Variants in STAG1 observed in about 807,000 individuals in gnomAD.
STAG1 encodes STAG1 cohesin complex component, also known as cohesin subunit SA-1.
Under a neutral mutation model 170.9 loss-of-function variants are expected in STAG1, and 26 were observed. The ratio of observed to expected loss-of-function variants is 0.15; its 90% CI spans 0.11 to 0.21. The LOEUF is 0.21. STAG1 is among the 10% of genes least tolerant of loss of function. The pLI, the probability that STAG1 is intolerant of heterozygous loss-of-function variation, is 1.00. For synonymous variants in STAG1, 514 were observed against 497.7 expected, an observed-to-expected ratio of 1.03 and a Z score of -0.44; for missense variants, 964 against 1,509.5, an observed-to-expected ratio of 0.64 and a Z score of 5.99.
chr3:136,371,269 A>G (rs551122744), intron 23 of STAG1, among the ~76,000 whole-genome samples: 24 of 152,098 alleles, frequency 1.6e-4, no homozygotes, highest in African/African-American at 5.3e-4. Context: ...TTTGTCAGAT[A>G]AGTAGGTTGC....
At chr3:136,542,836 G>C (rs1307543876) in intron 5 of STAG1, among the ~76,000 whole-genome samples, 1 of 152,114 alleles carries the variant, frequency 6.6e-6, no homozygotes, top group Admixed American at 6.5e-5. Flanking sequence ...GCCTTATGAA[G>C]AATGTACTAT....
intron 4 of STAG1, among the ~76,000 whole-genome samples, chr3:136,585,724 G>A (rs1937783107): frequency 6.6e-6 from 1 of 152,080 alleles, no homozygotes; most frequent in Admixed American, 6.6e-5. Flanking sequence ...AAGAAATCCT[G>A]TACTGAGATC....
intron 1 of STAG1, among the ~76,000 whole-genome samples, chr3:136,714,954 T>TA (rs1943488047): frequency 1.5e-5 from 1 of 66,086 alleles, no homozygotes; most frequent in Non-Finnish European, 3.9e-5. Context: ...TATATATATA[T>TA]ATATATATAT....
intron 1 of STAG1, among the ~76,000 whole-genome samples, chr3:136,659,694 T>C (rs560197701): frequency 2.6e-5 from 4 of 152,320 alleles, no homozygotes; most frequent in Non-Finnish European, 5.9e-5. Flanking sequence ...ATGAAGTCTA[T>C]AATTAATGAC....
At chr3:136,424,151 T>C (rs2088041982) in intron 16 of STAG1, among the ~76,000 whole-genome samples, 1 of 152,052 alleles carries the variant, frequency 6.6e-6, no homozygotes, top group African/African-American at 2.4e-5. Context: ...TATAAAATAA[T>C]CACTTTTGAA....
intron 1 of STAG1, among the ~76,000 whole-genome samples, chr3:136,673,372 G>A (rs1039645956): frequency 8.5e-5 from 13 of 152,262 alleles, no homozygotes; most frequent in African/African-American, 2.9e-4. Context: ...AGTATGTACT[G>A]AGCCTAGGAT....
At chr3:136,674,099 T>A (rs1942055035) in intron 1 of STAG1, among the ~76,000 whole-genome samples, 1 of 118,582 alleles carries the variant, frequency 8.4e-6, no homozygotes, top group Non-Finnish European at 1.7e-5. Flanking sequence ...AGTGACTCTG[T>A]CTCAAAAAAA....
intron 13 of STAG1, among the ~76,000 whole-genome samples, chr3:136,458,696 T>C (rs889108196): frequency 6.6e-6 from 1 of 151,236 alleles, no homozygotes; most frequent in Non-Finnish European, 1.5e-5. Context: ...TGAAGGTAAA[T>C]GGATTAAATT....
intron 1 of STAG1, among the ~76,000 whole-genome samples, chr3:136,736,174 G>A (rs1046843820): frequency 4.6e-5 from 7 of 152,122 alleles, no homozygotes; most frequent in African/African-American, 1.4e-4. Context: ...AACTACCCAC[G>A]AAGTTTCTAA....
chr3:136,644,222 T>G (rs28682370), intron 1 of STAG1, among the ~76,000 whole-genome samples: 5 of 152,042 alleles, frequency 3.3e-5, no homozygotes, highest in Non-Finnish European at 5.9e-5. Flanking sequence ...TTCTAGGTGG[T>G]GAAAAACTTT....
At chr3:136,712,778 G>A (rs527599256) in intron 1 of STAG1, among the ~76,000 whole-genome samples, 1 of 152,160 alleles carries the variant, frequency 6.6e-6, no homozygotes, top group African/African-American at 2.4e-5. Flanking sequence ...AACAGAAATG[G>A]CTTCACATGT....
At chr3:136,435,163 T>C (rs2088419643) in intron 15 of STAG1, among the ~76,000 whole-genome samples, 1 of 152,212 alleles carries the variant, frequency 6.6e-6, no homozygotes, top group Non-Finnish European at 1.5e-5. Context: ...TATCTAGCCC[T>C]TTTTCTAAAA....
chr3:136,729,851 T>A (rs1420510558), intron 1 of STAG1, among the ~76,000 whole-genome samples: 1 of 150,730 alleles, frequency 6.6e-6, no homozygotes, highest in Non-Finnish European at 1.5e-5. Context: ...AGTGCTGAGA[T>A]TACAGGCATG....
At chr3:136,578,705 C>T (rs1031591202) in intron 4 of STAG1, among the ~76,000 whole-genome samples, 1 of 152,140 alleles carries the variant, frequency 6.6e-6, no homozygotes, top group Non-Finnish European at 1.5e-5. Context: ...TTCAAAATGC[C>T]ATTGCAGTCC....
At chr3:136,478,728 T>C (rs1009719539) in intron 9 of STAG1, among the ~76,000 whole-genome samples, 7 of 152,198 alleles carry the variant, frequency 4.6e-5, no homozygotes, top group Non-Finnish European at 1.0e-4. Flanking sequence ...AAACATTCTC[T>C]TTCCAAGCCA....
intron 23 of STAG1, among the ~76,000 whole-genome samples, chr3:136,377,341 T>G (rs1319362721): frequency 9.2e-6 from 1 of 108,144 alleles, no homozygotes; most frequent in East Asian, 2.9e-4. Flanking sequence ...GAGCCGAGAT[T>G]GCGCCACTGC....
intron 1 of STAG1, among the ~76,000 whole-genome samples, chr3:136,660,638 T>C (rs1941547896): frequency 6.6e-6 from 1 of 152,190 alleles, no homozygotes; most frequent in Non-Finnish European, 1.5e-5. Flanking sequence ...ATACACATTC[T>C]AAGTTTCCTA....
At chr3:136,580,200 C>T (rs1937561454) in intron 4 of STAG1, among the ~76,000 whole-genome samples, 1 of 151,930 alleles carries the variant, frequency 6.6e-6, no homozygotes, top group African/African-American at 2.4e-5. Context: ...ATCTCTTGAC[C>T]TTGTGATATG....
intron 4 of STAG1, among the ~76,000 whole-genome samples, chr3:136,586,646 G>A (rs1937843026): frequency 6.6e-6 from 1 of 152,124 alleles, no homozygotes; most frequent in Non-Finnish European, 1.5e-5. Flanking sequence ...CTAATCAGCA[G>A]CTTTTATAAT....
Sources: gnomAD v4.1 joint callset for allele counts (sites outside exome capture counted in the v4.1 genomes callset) on GRCh38, gnomAD v4.1.1 for gene constraint, MANE v1.5 for transcripts, NCBI Gene and HGNC (gene_info 2026-07-23, HGNC 2026-07-21) for gene names.